CLEC19A: variants seen among roughly 807,000 people sequenced by gnomAD.
The protein encoded by CLEC19A is C-type lectin domain family 19 member A.
Under a neutral mutation model 26.1 loss-of-function variants are expected in CLEC19A, and 21 were observed. The ratio of observed to expected loss-of-function variants is 0.80; its 90% CI spans 0.57 to 1.16. The LOEUF is 1.16. CLEC19A is among the 50% of genes most tolerant of loss of function. CLEC19A has a pLI of 0.00. For missense variants in CLEC19A, 224 were observed against 227.6 expected, an observed-to-expected ratio of 0.98 and a Z score of 0.10; for synonymous variants, 89 against 88.6, an observed-to-expected ratio of 1.00 and a Z score of -0.03.
chr16:19,291,364 C>T (rs1412812116), intron 1 of CLEC19A, among the ~76,000 whole-genome samples: 3 of 152,184 alleles, frequency 2.0e-5, no homozygotes, highest in Non-Finnish European at 4.4e-5. Context: ...GTAGGACTCT[C>T]TAGGTTTGGA....
chr16:19,295,702 T>A (rs558025633), intron 1 of CLEC19A, among the ~76,000 whole-genome samples: 1 of 152,102 alleles, frequency 6.6e-6, no homozygotes, highest in East Asian at 1.9e-4. Context: ...CATGGATGAG[T>A]GTCCTTGGTT....
At chr16:19,295,245 G>A (rs112701430) in intron 1 of CLEC19A, among the ~76,000 whole-genome samples, 5,270 of 151,992 alleles carry the variant, frequency 0.035, 321 homozygotes, top group African/African-American at 0.12. Flanking sequence ...TTGCTCTATC[G>A]TCCAGGCTGG....
intron 1 of CLEC19A, among the ~76,000 whole-genome samples, chr16:19,295,826 C>G (rs1597082468): frequency 2.0e-5 from 3 of 152,288 alleles, no homozygotes; most frequent in East Asian, 3.9e-4. Flanking sequence ...TTCAGTAGAG[C>G]CTTTTTGTGT....
intron 2 of CLEC19A, among the ~76,000 whole-genome samples, chr16:19,301,845 C>A (rs1285558442): frequency 6.7e-6 from 1 of 148,800 alleles, no homozygotes; most frequent in East Asian, 2.0e-4. Flanking sequence ...CCTCCCTCGG[C>A]CTCCTAAAGT....
rs1018866005 is a variant in CLEC19A, at chr16:19,304,995, C to T, written c.348+840C>T. 2.6e-5 allele frequency: 4 copies of T among 152,400 alleles called. No homozygotes were observed. The East Asian group carries it at 7.7e-4, about 29-fold the overall frequency. 9.4% of individuals were successfully genotyped at this position (152,400 alleles called of 1,614,324 possible). A position where few individuals can be genotyped will look rare whatever the true frequency, so the allele number is the denominator to read the frequency against. On this transcript the variant is annotated intron_variant, in intron 3 of 4. Transcript: ENST00000636231. Reference sequence around the variant, plus strand: ...AGAATCCTGCACCAGCACCATTACCCCTGACATGCTGAGTCACTGGCTAGG... The same window carrying T: ...AGAATCCTGCACCAGCACCATTACCTCTGACATGCTGAGTCACTGGCTAGG...
rs985126198 is a variant in CLEC19A at position 19,307,724 on chromosome 16, G to C, written c.481+47G>C. ...GCTCTTGCAGGGGAGCCCAGGAGGT[G>C]TCACAGGTGGGGAGAGCGGAGAAGG... On this transcript the variant is annotated intron_variant, in intron 4 of 4. Coordinates refer to ENST00000636231, the MANE Select transcript of CLEC19A (RefSeq NM_001256720.2). 4.5e-6 allele frequency: 7 copies of C among 1,544,472 alleles called. No individual in the cohort carries two copies. The African/African-American group carries it at 9.6e-5, about 21-fold the overall frequency.
In CLEC19A at chr16:19,300,267, G is replaced by A. The variant is rs576429605; in HGVS notation, c.254+1429G>A. Among the ~76,000 whole-genome samples, 295 of 151,806 alleles carry A rather than the reference G, an allele frequency of 1.9e-3. 1 individual carries two copies. Among genetic ancestry groups the A allele is most frequent in the African/African-American group, 6.7e-3 (279 of 41,432 alleles). On this transcript the variant is annotated intron_variant, in intron 2 of 4. Transcript: ENST00000636231. ...AAATAAATAATAAAAAAAAGAAAGG[G>A]GTCGGGTGCAGTGTCTCATGCCTGT... is the stretch of plus-strand genomic sequence containing the variant.
chr16:19,295,404 T>C (rs1386285294), intron 1 of CLEC19A, among the ~76,000 whole-genome samples: 1 of 152,146 alleles, frequency 6.6e-6, no homozygotes, highest in Non-Finnish European at 1.5e-5. Context: ...GGTTTTACCA[T>C]GTTGCCCAGT....
chr16:19,307,803 C>T (rs1897989218), intron 4 of CLEC19A, 126 bp downstream of exon 4: 2 of 1,285,052 alleles, frequency 1.6e-6, no homozygotes, highest in Non-Finnish European at 2.1e-6. Context: ...TTGTTCAGCA[C>T]CTTGGAGAGC....
At chr16:19,292,253 G>T (rs918946282) in intron 1 of CLEC19A, among the ~76,000 whole-genome samples, 1 of 152,152 alleles carries the variant, frequency 6.6e-6, no homozygotes, top group Non-Finnish European at 1.5e-5. Flanking sequence ...AATCACCTGG[G>T]GCTCTTATGA....
At chr16:19,307,768 C>T (rs529713645) in intron 4 of CLEC19A, 91 bp downstream of exon 4, 2 of 1,489,294 alleles carry the variant, frequency 1.3e-6, no homozygotes, top group African/African-American at 1.4e-5. Context: ...GGAAGAGGAG[C>T]ACCTGATGGC....
chr16:19,310,688 A>C lies in CLEC19A; in HGVS notation c.*1605A>C, dbSNP rs981352536. 1 of 152,174 alleles carries C rather than the reference A, an allele frequency of 6.6e-6. No individual in the cohort carries two copies. The allele number at this position is 152,174 out of a possible 1,614,324, so 9.4% of individuals were successfully genotyped here. On this transcript the variant is annotated 3_prime_UTR_variant, in exon 5 of 5. Coordinates refer to ENST00000636231, the MANE Select transcript of CLEC19A (RefSeq NM_001256720.2). The stretch of plus-strand genomic sequence containing the variant: ...AACATTATGCTTCCAGTCACAAAAG[A>C]CCACATGTTGTATGATTCCATATAT...
chr16:19,294,565 C>T (rs1038422393), intron 1 of CLEC19A, among the ~76,000 whole-genome samples: 2 of 152,196 alleles, frequency 1.3e-5, no homozygotes, highest in African/African-American at 2.4e-5. Flanking sequence ...CATCCTCCTA[C>T]AGTCAGAGAA....
intron 1 of CLEC19A, among the ~76,000 whole-genome samples, chr16:19,287,021 C>CT (rs550913735): frequency 0.067 from 8,307 of 123,074 alleles, 459 homozygotes; most frequent in East Asian, 0.2. Flanking sequence ...AGGTATCCTT[C>CT]TTTTTTTTTT....
chr16:19,303,880 C>G (rs1307632180), intron 2 of CLEC19A, 182 bp from the exon 3 acceptor site: 4 of 551,686 alleles, frequency 7.3e-6, no homozygotes, highest in Non-Finnish European at 1.3e-5. Context: ...AGGTCAAATC[C>G]AGAGATGCCC....
Position 19,309,625 on chromosome 16 carries a change from G to A in CLEC19A, c.*542G>A, listed in dbSNP as rs1326220420. 1 of 152,016 alleles carries A rather than the reference G, an allele frequency of 6.6e-6. No individual in the cohort carries two copies. Among genetic ancestry groups the A allele is most frequent in the African/African-American group, 2.4e-5 (1 of 41,222 alleles). The allele number at this position is 152,016 out of a possible 1,614,324, so 9.4% of individuals were successfully genotyped here. A position where few individuals can be genotyped will look rare whatever the true frequency, so the allele number is the denominator to read the frequency against. On this transcript the variant is annotated 3_prime_UTR_variant, in exon 5 of 5. Transcript: ENST00000636231. ...GTATTGTATTCCTGAAATTTGCTAC[G>A]AGAGTAATTTTTTTTTTTGAGACAG...
chr16:19,307,685 C>T lies in CLEC19A; in HGVS notation c.481+8C>T, dbSNP rs1012437361. ...GGTACAGGCCTACCAGTGGTGGGTA[C>T]CCCTGAGACCAAGGCTCTTGCAGGG... On this transcript the variant is annotated splice_region_variant and intron_variant, in intron 4 of 4. Coordinates refer to ENST00000636231, the MANE Select transcript of CLEC19A (RefSeq NM_001256720.2). The T allele has an allele frequency of 2.6e-6, 4 of 1,547,750 alleles. No homozygotes were observed. The highest frequency in any genetic ancestry group is 2.3e-4 in the Middle Eastern group (1 of 4,382).
intron 2 of CLEC19A, among the ~76,000 whole-genome samples, chr16:19,301,942 A>C (rs910541602): frequency 6.6e-5 from 10 of 151,726 alleles, no homozygotes; most frequent in African/African-American, 2.2e-4. Context: ...ATGCCTCTAA[A>C]GTTCTTACAC....
In CLEC19A at chr16:19,300,236, A is replaced by G. The variant is rs1471121818; in HGVS notation, c.254+1398A>G. Among the ~76,000 whole-genome samples the G allele has an allele frequency of 3.3e-5, 5 of 151,650 alleles. No homozygotes were observed. The East Asian group carries it at 9.7e-4, about 29-fold the overall frequency. The stretch of plus-strand genomic sequence containing the variant: ...GAGATTCTGTCTCAAAAATAAATAA[A>G]TAAATAAATAAATAATAAAAAAAAG... On this transcript the variant is annotated intron_variant, in intron 2 of 4. Transcript: ENST00000636231.
Sources: allele counts gnomAD v4.1 joint callset (sites outside exome capture counted in the v4.1 genomes callset), GRCh38; gene constraint gnomAD v4.1.1; transcripts MANE v1.5; gene names NCBI Gene and HGNC (gene_info 2026-07-23, HGNC 2026-07-21).